MAFF: variants seen among roughly 807,000 people sequenced by gnomAD.
The protein encoded by MAFF is MAF bZIP transcription factor F.
In MAFF, 4 loss-of-function variants were observed where a neutral mutation model predicts 2.7. The ratio of observed to expected loss-of-function variants is 1.48; its 90% CI spans 0.73 to 3.39. The LOEUF (loss-of-function observed/expected upper bound fraction) is 3.39. Ranked by LOEUF, MAFF falls within the 30% of genes most tolerant of loss-of-function variation. The pLI is 0.01. For missense variants in MAFF, 190 were observed against 246.6 expected, an observed-to-expected ratio of 0.77 and a Z score of 1.54; for synonymous variants, 113 against 119.4, an observed-to-expected ratio of 0.95 and a Z score of 0.35.
In MAFF at chr22:38,215,027, T is replaced by A; in HGVS notation, c.*149T>A. ...ATTCCCTTCGTGGGCCCTGTCTTCC[T>A]CTTGCAGCCCCCCAAACTGGGACCG... On this transcript the variant is annotated 3_prime_UTR_variant, in exon 3 of 3. Coordinates refer to ENST00000338483, the MANE Select transcript of MAFF (RefSeq NM_012323.4). 1.5e-6 allele frequency: 1 copy of A among 656,112 alleles called. No individual in the cohort carries two copies. The highest frequency in any genetic ancestry group is 2.7e-6 in the Non-Finnish European group (1 of 371,048). The allele number at this position is 656,112 out of a possible 1,614,324, so 40.6% of individuals were successfully genotyped here.
intron 1 of MAFF, chr22:38,203,488 C>T (rs891946141): frequency 6.6e-6 from 1 of 152,184 alleles, no homozygotes; most frequent in Non-Finnish European, 1.5e-5. Context: ...TCTGACTGCA[C>T]GGAGGGTTAA....
rs575686077 is a variant in MAFF, at chr22:38,214,797, C to T, written c.414C>T (p.Thr138=). 8 of 1,480,588 alleles carry T rather than the reference C, an allele frequency of 5.4e-6. No individual in the cohort carries two copies. In the East Asian group the frequency reaches 1.5e-4, roughly 27 times the overall value. 91.7% of individuals were successfully genotyped at this position (1,480,588 alleles called of 1,614,324 possible). Residue 138 remains threonine (T), a synonymous_variant, in exon 3 of 3, where the codon ACC becomes ACT. Coordinates refer to ENST00000338483, the MANE Select transcript of MAFF (RefSeq NM_012323.4). The surrounding 1 kb of genome is among the most constrained non-coding windows in gnomAD (Gnocchi z 6.3). ...TCGTGGCGCCGGCCAGCGTCATCAC[C>T]ATCGTCAAGTCCACCCCGGGCTCGG... The part of the protein sequence containing the change: ...ATLVAPASVI[T]IVKSTPGSGS...
intron 1 of MAFF, among the ~76,000 whole-genome samples, chr22:38,209,957 T>A (rs995336195): frequency 2.0e-5 from 3 of 151,702 alleles, no homozygotes; most frequent in Non-Finnish European, 4.4e-5. Flanking sequence ...CCAGGTAGGA[T>A]GGGAGTGCAC....
At position 38,215,160 on chromosome 22, in the gene MAFF, G is replaced by A. The variant is rs1431522127; in HGVS notation, c.*282G>A. 1 of 392,928 alleles carries A rather than the reference G, an allele frequency of 2.5e-6. No homozygotes were observed. Among genetic ancestry groups the A allele is most frequent in the Non-Finnish European group, 4.8e-6 (1 of 207,926 alleles). The allele number at this position is 392,928 out of a possible 1,614,324, so 24.3% of individuals were successfully genotyped here. A position where few individuals can be genotyped will look rare whatever the true frequency, so the allele number is the denominator to read the frequency against. On this transcript the variant is annotated 3_prime_UTR_variant, in exon 3 of 3. Coordinates refer to ENST00000338483, the MANE Select transcript of MAFF (RefSeq NM_012323.4). Reference sequence around the variant, plus strand: ...GCCTTTTTAGATTGAGAGATACAGAGCCGGCTTAGAGAACAGCTGTTGGGG... The same window carrying A: ...GCCTTTTTAGATTGAGAGATACAGAACCGGCTTAGAGAACAGCTGTTGGGG...
intron 1 of MAFF, among the ~76,000 whole-genome samples, chr22:38,209,813 C>CAAAAAAAAAAAA (rs398037113): frequency 1.3e-5 from 1 of 76,464 alleles, no homozygotes; most frequent in Non-Finnish European, 2.4e-5. Flanking sequence ...GACTCCATCT[C>CAAAAAAAAAAAA]AAAAAAAAAA....
At chr22:38,209,837 G>A (rs2091084411) in intron 1 of MAFF, among the ~76,000 whole-genome samples, 1 of 144,698 alleles carries the variant, frequency 6.9e-6, no homozygotes, top group South Asian at 2.2e-4. Flanking sequence ...AAAAAAAAAG[G>A]GAAAAAAAAA....
At chr22:38,204,848 A>G (rs1355106321) in intron 1 of MAFF, among the ~76,000 whole-genome samples, 4 of 152,212 alleles carry the variant, frequency 2.6e-5, no homozygotes, top group Admixed American at 1.3e-4. Flanking sequence ...CTGGCATTGC[A>G]GGGTTTTGAA....
intron 1 of MAFF, among the ~76,000 whole-genome samples, chr22:38,211,439 C>G (rs910247298): frequency 2.0e-5 from 3 of 152,050 alleles, no homozygotes; most frequent in Non-Finnish European, 4.4e-5. Context: ...GTTGGCCAGG[C>G]TGGTCTCGAT....
At chr22:38,203,823 G>A (rs1053584515) in intron 1 of MAFF, 1 of 152,270 alleles carries the variant, frequency 6.6e-6, no homozygotes, top group African/African-American at 2.4e-5. Context: ...CAGGATGGTG[G>A]GTAGAAGGGG....
chr22:38,213,790 A>C, intron 1 of MAFF, 33 bp from the exon 2 acceptor site: 1 of 1,535,576 alleles, frequency 6.5e-7, no homozygotes, highest in South Asian at 1.1e-5. Flanking sequence ...AACCAAAAAC[A>C]AAACAGTGAC....
chr22:38,213,686 G>T (rs770171916), intron 1 of MAFF, 137 bp from the exon 2 acceptor site: 4 of 722,584 alleles, frequency 5.5e-6, no homozygotes, highest in South Asian at 1.5e-5. Context: ...GTGGACCAAT[G>T]TGGAGAGAGG....
At chr22:38,206,252 T>C (rs916389141) in intron 1 of MAFF, among the ~76,000 whole-genome samples, 2 of 151,810 alleles carry the variant, frequency 1.3e-5, no homozygotes, top group African/African-American at 4.8e-5. Flanking sequence ...TCACTGGGAA[T>C]TGGTGCTGTG....
At chr22:38,211,806 G>A (rs1017257000) in intron 1 of MAFF, among the ~76,000 whole-genome samples, 11 of 152,164 alleles carry the variant, frequency 7.2e-5, no homozygotes, top group Admixed American at 6.5e-4. Context: ...CCCCGGTCCT[G>A]CCAGAATGTG....
At chr22:38,210,067 G>A (rs1019672984) in intron 1 of MAFF, among the ~76,000 whole-genome samples, 17 of 152,134 alleles carry the variant, frequency 1.1e-4, no homozygotes, top group African/African-American at 3.4e-4. Flanking sequence ...AGGCTAAGCC[G>A]GCATGTTCAG....
intron 1 of MAFF, among the ~76,000 whole-genome samples, chr22:38,210,304 C>T (rs2091088475): frequency 1.3e-5 from 2 of 152,220 alleles, no homozygotes. Flanking sequence ...CCCACTCCTT[C>T]CTTCCCTGTG....
rs1298513069 is a variant in MAFF at position 38,214,501 on chromosome 22, C to A, written c.118C>A (p.His40Asn). Residue 40 changes from histidine (H) to asparagine (N), a missense_variant, in exon 3 of 3, where the codon CAT (histidine) becomes AAT (asparagine). Transcript: ENST00000338483. The surrounding 1 kb of genome is among the most constrained non-coding windows in gnomAD (Gnocchi z 6.3). ...GCTGTCGGTGCGCGAGCTGAACCGG[C>A]ATCTGCGCGGGCTCTCCGCCGAGGA... ...MGLSVRELNRHLRGLSAEEVT... is the reference protein window; with the variant it reads ...MGLSVRELNRNLRGLSAEEVT... 2 of 1,610,634 alleles carry A rather than the reference C, an allele frequency of 1.2e-6. No homozygotes were observed. Among genetic ancestry groups the A allele is most frequent in the Non-Finnish European group, 1.7e-6 (2 of 1,179,630 alleles).
At chr22:38,213,624 G>GCA (rs752164942) in intron 1 of MAFF, 199 bp from the exon 2 acceptor site, 1 of 669,712 alleles carries the variant, frequency 1.5e-6, no homozygotes, top group South Asian at 1.5e-5. Context: ...ACAGTAAAGA[G>GCA]CACAGCCTGT....
At chr22:38,213,481 CTGT>C in intron 1 of MAFF, 1 of 358,282 alleles carries the variant, frequency 2.8e-6, no homozygotes, top group Non-Finnish European at 5.5e-6. Context: ...GAAGAGGTGA[CTGT>C]TACAAGGGTT....
At chr22:38,213,987 G>A in intron 2 of MAFF, 98 bp downstream of exon 2, 1 of 1,380,442 alleles carries the variant, frequency 7.2e-7, no homozygotes, top group South Asian at 1.2e-5. Flanking sequence ...GAATCCCCTG[G>A]GTGGCTCAGC....
Sources: allele counts gnomAD v4.1 joint callset (sites outside exome capture counted in the v4.1 genomes callset), GRCh38; gene constraint gnomAD v4.1.1; non-coding constraint Gnocchi (gnomAD v3.1); transcripts MANE v1.5; gene names NCBI Gene and HGNC (gene_info 2026-07-23, HGNC 2026-07-21).